Variants in PTPRD observed in about 807,000 individuals in gnomAD.
The protein encoded by PTPRD is protein tyrosine phosphatase receptor type D, also known as receptor-type tyrosine-protein phosphatase delta.
PTPRD carries 34 observed loss-of-function variants against 214.5 expected under a neutral mutation model. The ratio of observed to expected loss-of-function variants is 0.16; its 90% CI spans 0.12 to 0.21. The LOEUF (loss-of-function observed/expected upper bound fraction) is 0.21. Among genes scored for constraint, PTPRD ranks in the 10% least tolerant of loss-of-function variants. The pLI is 1.00. For missense variants in PTPRD, 2,545 were observed against 2,398.7 expected (o/e 1.06, Z -1.27); for synonymous variants, 1,128 against 845.7 (o/e 1.33, Z -5.79).
chr9:10,222,484 A>C (rs1431662466), intron 3 of PTPRD, among the ~76,000 whole-genome samples: 2 of 152,100 alleles, frequency 1.3e-5, no homozygotes, highest in Non-Finnish European at 2.9e-5. Flanking sequence ...AATTCCAACA[A>C]AGCTGGCTGT....
At chr9:10,437,774 G>C (rs1255303495) in intron 2 of PTPRD, among the ~76,000 whole-genome samples, 3 of 150,336 alleles carry the variant, frequency 2.0e-5, no homozygotes, top group Non-Finnish European at 4.4e-5. Flanking sequence ...TGTTTTATCA[G>C]ATATATATAT....
intron 9 of PTPRD, among the ~76,000 whole-genome samples, chr9:9,231,487 T>C (rs1331741896): frequency 6.6e-6 from 1 of 152,162 alleles, no homozygotes; most frequent in Non-Finnish European, 1.5e-5. Flanking sequence ...TTTGTGTTGA[T>C]ACCCAAATTG....
rs140063282 is a variant in PTPRD at position 10,230,462 on chromosome 9, A to G, written c.-545+110501T>C. Among the ~76,000 whole-genome samples, 29 of 151,648 alleles carry G rather than the reference A, an allele frequency of 1.9e-4. No individual in the cohort carries two copies. The East Asian group carries it at 5.7e-3, about 30-fold the overall frequency. On this transcript the variant is annotated intron_variant, in intron 3 of 45. Coordinates refer to ENST00000381196, the MANE Select transcript of PTPRD (RefSeq NM_002839.4). ...TATCTATCTATCTATCTATCTATCT[A>G]TCTATCTATCTATCTGTCTATCTAC...
intron 11 of PTPRD, among the ~76,000 whole-genome samples, chr9:8,902,318 C>A (rs771862264): frequency 6.7e-6 from 1 of 150,346 alleles, no homozygotes; most frequent in Non-Finnish European, 1.5e-5. Flanking sequence ...CTGGAATTGG[C>A]ATTTTTCTTT....
intron 6 of PTPRD, among the ~76,000 whole-genome samples, chr9:9,764,614 C>T (rs973654375): frequency 1.3e-5 from 2 of 152,032 alleles, no homozygotes; most frequent in African/African-American, 2.4e-5. Context: ...AAAGTAAAAT[C>T]ATATTTATTA....
intron 7 of PTPRD, among the ~76,000 whole-genome samples, chr9:9,704,163 G>A (rs1048012132): frequency 7.2e-5 from 11 of 152,006 alleles, no homozygotes; most frequent in African/African-American, 1.2e-4. Context: ...GTGGCTTTCC[G>A]TGGGTCTCCT....
chr9:9,250,149 G>A (rs534952543), intron 9 of PTPRD, among the ~76,000 whole-genome samples: 1 of 151,946 alleles, frequency 6.6e-6, no homozygotes, highest in Non-Finnish European at 1.5e-5. Flanking sequence ...TTAATATATG[G>A]CCACAATGTT....
rs1555426883 is a variant in PTPRD, at chr9:9,981,354, A to ATTT, written c.-471-42747_-471-42745dup. 1.0e-3 allele frequency among the ~76,000 whole-genome samples: 145 copies of ATTT among 138,184 alleles called. 2 individuals are homozygous for ATTT. The highest frequency in any genetic ancestry group is 3.6e-3 in the African/African-American group (133 of 37,212). The allele number at this position is 138,184 out of a possible 152,430, so 90.7% of individuals were successfully genotyped here. ...TTAAAACATATACTCACATTAAACA[A>ATTT]TTTTTTTTTTTTTTTTTTAAGACAG... On this transcript the variant is annotated intron_variant, in intron 4 of 45. Transcript: ENST00000381196.
At chr9:8,925,902 T>C (rs1240650574) in intron 11 of PTPRD, among the ~76,000 whole-genome samples, 1 of 151,070 alleles carries the variant, frequency 6.6e-6, no homozygotes, top group Non-Finnish European at 1.5e-5. Flanking sequence ...TTCAAGTTTG[T>C]CCTTATTAAT....
rs397836899 is a variant in PTPRD, at chr9:9,989,016, C to CAAAAAAAAAAAAAA, written c.-472+44688_-472+44701dup. Among the ~76,000 whole-genome samples the CAAAAAAAAAAAAAA allele has an allele frequency of 1.4e-3, 49 of 36,282 alleles. 4 individuals are homozygous for CAAAAAAAAAAAAAA. Among genetic ancestry groups the CAAAAAAAAAAAAAA allele is most frequent in the African/African-American group, 3.6e-3 (47 of 13,052 alleles). 23.8% of individuals were successfully genotyped at this position (36,282 alleles called of 152,430 possible). On this transcript the variant is annotated intron_variant, in intron 4 of 45. Transcript: ENST00000381196. ...CAGAAGAGCCCTTAGTTTCACTGAC[C>CAAAAAAAAAAAAAA]AAAAAAAAAAAAAAAAAAAAAAAAA...
intron 8 of PTPRD, among the ~76,000 whole-genome samples, chr9:9,519,247 A>C (rs1381604270): frequency 6.6e-6 from 1 of 151,854 alleles, no homozygotes; most frequent in Non-Finnish European, 1.5e-5. Context: ...CTAGGAAAAA[A>C]CAAAGGCTGA....
chr9:8,925,858 A>ATTTTTTT (rs33971552), intron 11 of PTPRD, among the ~76,000 whole-genome samples: 18 of 120,160 alleles, frequency 1.5e-4, no homozygotes, highest in South Asian at 2.9e-4. Context: ...CTATTGCAAT[A>ATTTTTTT]TTTTTTTTTT....
At chr9:9,733,003 A>G (rs1241296496) in intron 7 of PTPRD, among the ~76,000 whole-genome samples, 1 of 152,082 alleles carries the variant, frequency 6.6e-6, no homozygotes, top group East Asian at 1.9e-4. Context: ...CATCATTGTG[A>G]ATAGGTATTT....
At chr9:9,430,127 T>A (rs1302766353) in intron 8 of PTPRD, among the ~76,000 whole-genome samples, 1 of 152,186 alleles carries the variant, frequency 6.6e-6, no homozygotes, top group East Asian at 1.9e-4. Flanking sequence ...TGTTTGCAGA[T>A]GACATGATTG....
intron 4 of PTPRD, among the ~76,000 whole-genome samples, chr9:9,952,801 G>T (rs573887087): frequency 9.2e-4 from 140 of 152,234 alleles, no homozygotes; most frequent in African/African-American, 3.3e-3. Flanking sequence ...TAGAGTGAGG[G>T]CTATGGAGAC....
At chr9:10,507,198 T>C (rs1029710878) in intron 2 of PTPRD, among the ~76,000 whole-genome samples, 2 of 152,062 alleles carry the variant, frequency 1.3e-5, no homozygotes, top group African/African-American at 2.4e-5. Context: ...CCATTCACGA[T>C]TGCTTCAAAG....
intron 4 of PTPRD, among the ~76,000 whole-genome samples, chr9:10,002,060 G>A (rs1377280830): frequency 2.0e-5 from 3 of 151,804 alleles, no homozygotes; most frequent in African/African-American, 4.8e-5. Flanking sequence ...TTGGAGCAAT[G>A]TTTCTGTAAA....
chr9:10,504,123 A>C (rs2045021899), intron 2 of PTPRD, among the ~76,000 whole-genome samples: 1 of 135,544 alleles, frequency 7.4e-6, no homozygotes, highest in African/African-American at 2.6e-5. Flanking sequence ...CTCAAAAAAA[A>C]AAAAAAAAAA....
chr9:9,997,746 T>C (rs1411034301), intron 4 of PTPRD, among the ~76,000 whole-genome samples: 3 of 152,076 alleles, frequency 2.0e-5, no homozygotes, highest in Admixed American at 6.5e-5. Context: ...CTGGCAAGTA[T>C]TGATATGCTA....
Sources: allele counts gnomAD v4.1 joint callset (sites outside exome capture counted in the v4.1 genomes callset), GRCh38; gene constraint gnomAD v4.1.1; transcripts MANE v1.5; gene names NCBI Gene and HGNC (gene_info 2026-07-23, HGNC 2026-07-21).